The following VPS28 variants were observed in gnomAD, a reference collection of about 807,000 sequenced individuals.
VPS28 encodes the protein VPS28 subunit of ESCRT-I.
VPS28 carries 29 observed loss-of-function variants against 33.7 expected under a neutral mutation model. The observed-to-expected ratio is 0.86, with a 90% confidence interval of 0.64 to 1.17. VPS28 has a LOEUF of 1.17. VPS28 is among the 50% of genes most tolerant of loss of function. The pLI, the probability that VPS28 is intolerant of heterozygous loss-of-function variation, is 0.00. For synonymous variants in VPS28, 164 were observed against 116.7 expected, an observed-to-expected ratio of 1.40 and a Z score of -2.61; for missense variants, 247 against 312.2, an observed-to-expected ratio of 0.79 and a Z score of 1.57.
intron 2 of VPS28, chr8:144,426,419 A>G: frequency 1.7e-6 from 1 of 590,542 alleles, no homozygotes; most frequent in Non-Finnish European, 2.8e-6. Flanking sequence ...CGGGGGCCGC[A>G]TGACAGGCCC....
intron 1 of VPS28, among the ~76,000 whole-genome samples, chr8:144,427,587 C>T (rs1454893752): frequency 1.3e-5 from 2 of 152,156 alleles, no homozygotes; most frequent in Non-Finnish European, 2.9e-5. Flanking sequence ...AAACAACACA[C>T]TTAACAGCCC....
intron 2 of VPS28, chr8:144,426,522 GCCCAGCTC>G: frequency 4.6e-6 from 2 of 430,918 alleles, no homozygotes. Flanking sequence ...CGCATGACAG[GCCCAGCTC>G]CCCAGCTCCA....
At position 144,424,049 on chromosome 8, in the gene VPS28, G is replaced by A; in HGVS notation, c.540C>T (p.Val180=). ...CTGGGAGGGACACCCACCACTGGCT[G>A]ACCGTCTGGCGGCCCTCAAAGTCGG... is the stretch of plus-strand genomic sequence containing the variant. ...LPPDFEGRQT[V]SQWLQTLSGM... The change falls in exon 9 of 10, where the codon GTC becomes GTT. Residue 180 remains valine, a synonymous_variant. Transcript: ENST00000292510. 6.3e-7 allele frequency: 1 copy of A among 1,580,522 alleles called. No individual in the cohort carries two copies. Among genetic ancestry groups the A allele is most frequent in the Middle Eastern group, 1.7e-4 (1 of 5,892 alleles).
intron 5 of VPS28, chr8:144,425,410 C>G: frequency 5.2e-6 from 3 of 575,176 alleles, no homozygotes; most frequent in East Asian, 5.8e-5. Flanking sequence ...CCTGGGACAT[C>G]CCCAAGCCTC....
intron 4 of VPS28, 73 bp downstream of exon 4, chr8:144,425,953 G>T: frequency 6.8e-7 from 1 of 1,467,776 alleles, no homozygotes; most frequent in South Asian, 1.4e-5. Context: ...GTTTGGGGTG[G>T]GTCTGGAGGG....
intron 5 of VPS28, 196 bp downstream of exon 5, chr8:144,425,487 A>G (rs988140578): frequency 7.6e-5 from 46 of 607,666 alleles, no homozygotes; most frequent in South Asian, 1.8e-4. Context: ...ATGACACCCC[A>G]GGAGCTGCGC....
At chr8:144,425,605 A>G in intron 5 of VPS28, 78 bp downstream of exon 5, 2 of 1,503,058 alleles carry the variant, frequency 1.3e-6, no homozygotes, top group South Asian at 1.2e-5. Context: ...CCAGCCTGAC[A>G]GACGCCTGCT....
chr8:144,424,833 C>CA lies in VPS28; in HGVS notation c.301-15dup. 1.2e-6 allele frequency: 2 copies of CA among 1,613,818 alleles called. No individual in the cohort carries two copies. Among genetic ancestry groups the CA allele is most frequent in the Non-Finnish European group, 1.7e-6 (2 of 1,179,914 alleles). On this transcript the variant is annotated splice_polypyrimidine_tract_variant and intron_variant, in intron 6 of 9. Coordinates refer to ENST00000292510, the MANE Select transcript of VPS28 (RefSeq NM_016208.4). ...CGGGCAGTCCAGCTGTTGGGGGTGA[C>CA]ATGGGTGCTGGGGCTCTCAGGACAG...
In VPS28 at chr8:144,426,215, G is replaced by A. The variant is rs1554876751; in HGVS notation, c.38-7C>T. 1.9e-6 allele frequency: 3 copies of A among 1,599,838 alleles called. No individual in the cohort carries two copies. The highest frequency in any genetic ancestry group is 1.7e-5 in the Admixed American group (1 of 58,008). On this transcript the variant is annotated splice_region_variant and splice_polypyrimidine_tract_variant and intron_variant, in intron 2 of 9. Coordinates refer to ENST00000292510, the MANE Select transcript of VPS28 (RefSeq NM_016208.4). Reference sequence around the variant, plus strand: ...TCCGGCTTGTTCCCAGGGGCTGCAAGAGAAGGCAGAGAGCTGGCAGGCTGG... The same window carrying A: ...TCCGGCTTGTTCCCAGGGGCTGCAAAAGAAGGCAGAGAGCTGGCAGGCTGG...
At chr8:144,426,336 G>A (rs782460093) in intron 2 of VPS28, 128 bp from the exon 3 acceptor site, 3 of 1,293,720 alleles carry the variant, frequency 2.3e-6, no homozygotes, top group Non-Finnish European at 3.1e-6. Flanking sequence ...CCCAGAGGGA[G>A]CTGGAGCACA....
At chr8:144,424,896 C>G in intron 6 of VPS28, 50 bp downstream of exon 6, 1 of 1,610,732 alleles carries the variant, frequency 6.2e-7, no homozygotes, top group Non-Finnish European at 8.5e-7. Flanking sequence ...GCACCCCATA[C>G]CCATGCCCGA....
chr8:144,427,903 G>T (rs1247883155), intron 1 of VPS28, among the ~76,000 whole-genome samples: 1 of 152,206 alleles, frequency 6.6e-6, no homozygotes, highest in Non-Finnish European at 1.5e-5. Context: ...GATAAACTCA[G>T]ACGGAGAGGG....
chr8:144,425,115 CG>C, intron 5 of VPS28, 64 bp from the exon 6 acceptor site: 2 of 1,459,544 alleles, frequency 1.4e-6, no homozygotes, highest in Non-Finnish European at 1.9e-6. Flanking sequence ...CCTACCCCCT[CG>C]GCTGGTCCAG....
At position 144,424,282 on chromosome 8, in the gene VPS28, T is replaced by C. The variant is rs1564717477; in HGVS notation, c.403-14A>G. 1 of 1,591,872 alleles carries C rather than the reference T, an allele frequency of 6.3e-7. No homozygotes were observed. The highest frequency in any genetic ancestry group is 8.6e-7 in the Non-Finnish European group (1 of 1,168,418). On this transcript the variant is annotated splice_polypyrimidine_tract_variant and intron_variant, in intron 7 of 9. Transcript: ENST00000292510. Reference sequence around the variant, plus strand: ...CGTGATGAAGAGCTGGGGGCAGGTGTGCACATGAGGCTCGCGTGTCCACGG... The same window carrying C: ...CGTGATGAAGAGCTGGGGGCAGGTGCGCACATGAGGCTCGCGTGTCCACGG...
Position 144,423,776 on chromosome 8 carries a change from C to G in VPS28, c.*29G>C. Reference sequence around the variant, plus strand: ...CAGGAGCCATCGCCTCAGACTCTGCCCTTCTGTGCAAGGGCTAGTGCCCCG... The same window carrying G: ...CAGGAGCCATCGCCTCAGACTCTGCGCTTCTGTGCAAGGGCTAGTGCCCCG... On this transcript the variant is annotated 3_prime_UTR_variant, in exon 10 of 10. Transcript: ENST00000292510. The G allele has an allele frequency of 1.2e-6, 2 of 1,612,908 alleles. No homozygotes were observed. Among genetic ancestry groups the G allele is most frequent in the Non-Finnish European group, 1.7e-6 (2 of 1,179,928 alleles).
At chr8:144,425,806 G>A (rs782225823) in intron 4 of VPS28, 34 bp from the exon 5 acceptor site, 63 of 1,612,728 alleles carry the variant, frequency 3.9e-5, no homozygotes, top group East Asian at 3.6e-4. Context: ...GCCAGGCCCC[G>A]GGGTGCCAAG....
Position 144,425,312 on chromosome 8 carries a change from T to A in VPS28, c.195-261A>T, listed in dbSNP as rs1822657362. On this transcript the variant is annotated intron_variant, in intron 5 of 9. Coordinates refer to ENST00000292510, the MANE Select transcript of VPS28 (RefSeq NM_016208.4). ...CTGAACCACAGCGACCAGCCCTCTGTTGTGATGGCCGCATCCACAGCTCAT... is the reference window on the plus strand; with the variant it reads ...CTGAACCACAGCGACCAGCCCTCTGATGTGATGGCCGCATCCACAGCTCAT... The A allele has an allele frequency of 2.0e-5, 11 of 553,290 alleles. No homozygotes were observed. In the Admixed American group the frequency reaches 3.4e-4, roughly 17 times the overall value. The allele number at this position is 553,290 out of a possible 1,614,324, so 34.3% of individuals were successfully genotyped here.
Position 144,425,049 on chromosome 8 carries a change from T to C in VPS28, c.197A>G (p.Tyr66Cys). 5.8e-6 allele frequency: 9 copies of C among 1,551,474 alleles called. No individual in the cohort carries two copies. Among genetic ancestry groups the C allele is most frequent in the African/African-American group, 1.4e-5 (1 of 73,186 alleles). ...CAGGAGCCGGGAGCAGGCTGCAGTG[T>C]ACCTAGGGAGAGGTCAGCTGCTGCC... ...YIKDCVSPSE[Y>C]TAACSRLLVQ... is the part of the protein sequence containing the mutation. The change falls in exon 6 of 10, where the codon TAC becomes TGC. Residue 66 changes from tyrosine to cysteine, a missense_variant and splice_region_variant. This residue lies in a region of VPS28 where 149 missense variants were observed against 172.8 expected (regional missense o/e 0.86). Coordinates refer to ENST00000292510, the MANE Select transcript of VPS28 (RefSeq NM_016208.4).
intron 2 of VPS28, 77 bp downstream of exon 2, chr8:144,426,832 C>T (rs1250368953): frequency 1.4e-5 from 22 of 1,550,996 alleles, no homozygotes; most frequent in African/African-American, 2.7e-5. Context: ...TCCCCACCCC[C>T]GATCCCCAAT....
Sources: gnomAD v4.1 joint callset for allele counts (sites outside exome capture counted in the v4.1 genomes callset) on GRCh38, gnomAD v4.1.1 for gene constraint, gnomAD v4.1.1 regional missense constraint, MANE v1.5 for transcripts, NCBI Gene and HGNC (gene_info 2026-07-23, HGNC 2026-07-21) for gene names.